Variants in FARS2 observed in about 807,000 individuals in gnomAD.
FARS2 encodes the protein phenylalanine--tRNA ligase, mitochondrial.
In FARS2, 40 loss-of-function variants were observed where a neutral mutation model predicts 46.4. That is an observed-to-expected ratio of 0.86 (90% CI 0.67 to 1.12). The LOEUF is 1.12. Among genes scored for constraint, FARS2 ranks in the 50% most tolerant of loss-of-function variants. The probability of loss-of-function intolerance (pLI) is 0.00; values close to 1 mark genes in which losing one functional copy is unlikely to be tolerated. For synonymous variants in FARS2, 234 were observed against 214.9 expected, an observed-to-expected ratio of 1.09 and a Z score of -0.78; for missense variants, 513 against 567.9, an observed-to-expected ratio of 0.90 and a Z score of 0.98.
chr6:5,491,263 A>G (rs1741449422), intron 4 of FARS2, among the ~76,000 whole-genome samples: 1 of 152,120 alleles, frequency 6.6e-6, no homozygotes, highest in South Asian at 2.1e-4. Context: ...TTGCCCATTT[A>G]AAAAATTGAG....
At chr6:5,466,367 G>A (rs1765514623) in intron 4 of FARS2, among the ~76,000 whole-genome samples, 1 of 152,056 alleles carries the variant, frequency 6.6e-6, no homozygotes, top group African/African-American at 2.4e-5. Context: ...CCATTGTCAT[G>A]CCTGTGTCAT....
intron 6 of FARS2, among the ~76,000 whole-genome samples, chr6:5,724,519 C>T (rs567943284): frequency 1.1e-4 from 16 of 152,292 alleles, no homozygotes; most frequent in African/African-American, 1.9e-4. Flanking sequence ...GCCCCCAGGA[C>T]GCAAAAAGAA....
Position 5,667,278 on chromosome 6 carries a change from G to C in FARS2, c.1217+53958G>C, listed in dbSNP as rs1169314650. Among the ~76,000 whole-genome samples, 4 of 152,122 alleles carry C rather than the reference G, an allele frequency of 2.6e-5. No individual in the cohort carries two copies. The East Asian group carries it at 7.7e-4, about 29-fold the overall frequency. ...CTCACGCCTGTAATCCCAGCCCTTT[G>C]GGGGGCCAAGGTGGGCAGATCACAA... On this transcript the variant is annotated intron_variant, in intron 6 of 6. Transcript: ENST00000274680.
chr6:5,369,474 G>A (rs896118915), intron 2 of FARS2, among the ~76,000 whole-genome samples: 1 of 152,202 alleles, frequency 6.6e-6, no homozygotes, highest in African/African-American at 2.4e-5. Flanking sequence ...TATGAATGGA[G>A]AATAGTCTGT....
At chr6:5,421,702 A>G (rs1047764782) in intron 3 of FARS2, among the ~76,000 whole-genome samples, 1 of 152,226 alleles carries the variant, frequency 6.6e-6, no homozygotes, top group Non-Finnish European at 1.5e-5. Context: ...AAATGCTGCC[A>G]GTCTCTTTGC....
chr6:5,433,500 T>C (rs773848500), intron 4 of FARS2, among the ~76,000 whole-genome samples: 98 of 152,202 alleles, frequency 6.4e-4, no homozygotes, highest in Non-Finnish European at 1.2e-3. Flanking sequence ...CCTGTAGTCA[T>C]GTCTGTGTCT....
At chr6:5,515,776 G>A (rs1479369846) in intron 4 of FARS2, among the ~76,000 whole-genome samples, 2 of 151,994 alleles carry the variant, frequency 1.3e-5, no homozygotes, top group African/African-American at 2.4e-5. Flanking sequence ...AATTTTATAG[G>A]ACTTTAATCA....
At chr6:5,423,756 A>C (rs914762464) in intron 3 of FARS2, among the ~76,000 whole-genome samples, 4 of 151,972 alleles carry the variant, frequency 2.6e-5, no homozygotes, top group Admixed American at 2.6e-4. Context: ...GCAGCGCTGG[A>C]CTCCAGGGTA....
intron 6 of FARS2, among the ~76,000 whole-genome samples, chr6:5,756,959 G>A (rs1398414401): frequency 6.6e-6 from 1 of 152,182 alleles, no homozygotes; most frequent in Non-Finnish European, 1.5e-5. Flanking sequence ...GCCTAAAAAT[G>A]TTGGGCCACA....
intron 1 of FARS2, among the ~76,000 whole-genome samples, chr6:5,283,548 CAAAA>C (rs11397113): frequency 1.8e-4 from 23 of 124,998 alleles, no homozygotes; most frequent in African/African-American, 6.5e-4. Flanking sequence ...GACTTTGTTT[CAAAA>C]AAAAAAAAAA....
chr6:5,763,700 A>G (rs1437389204), intron 6 of FARS2, among the ~76,000 whole-genome samples: 1 of 151,456 alleles, frequency 6.6e-6, no homozygotes, highest in Non-Finnish European at 1.5e-5. Flanking sequence ...GCAGTTCATT[A>G]GGAAAACCGT....
rs562603238 is a variant in FARS2 at position 5,683,031 on chromosome 6, C to T, written c.1217+69711C>T. Among the ~76,000 whole-genome samples, 13 of 152,270 alleles carry T rather than the reference C, an allele frequency of 8.5e-5. No individual in the cohort carries two copies. The South Asian group carries it at 2.3e-3, about 27-fold the overall frequency. On this transcript the variant is annotated intron_variant, in intron 6 of 6. Transcript: ENST00000274680. ...GAAGAAACGTGTTCAGAGAGGGAAG[C>T]AGGGGCTGGGACATGTAGGGCTGTG... is the stretch of plus-strand genomic sequence containing the variant.
chr6:5,378,175 T>C (rs1405805985), intron 2 of FARS2, among the ~76,000 whole-genome samples: 1 of 152,124 alleles, frequency 6.6e-6, no homozygotes, highest in Non-Finnish European at 1.5e-5. Flanking sequence ...AACATAATCA[T>C]GCTCATTCGC....
intron 6 of FARS2, among the ~76,000 whole-genome samples, chr6:5,664,358 G>A (rs1026563218): frequency 3.3e-5 from 5 of 152,134 alleles, no homozygotes; most frequent in Admixed American, 6.5e-5. Context: ...GTGTTACACC[G>A]AGGGTCCTGC....
At chr6:5,258,105 G>A (rs1222499907), upstream of FARS2, among the ~76,000 whole-genome samples, 1 of 152,184 alleles carries the variant, frequency 6.6e-6, no homozygotes, top group Non-Finnish European at 1.5e-5. Context: ...AGGCCCAACA[G>A]GACGTGGCAC....
At chr6:5,626,441 G>C (rs748211597) in intron 6 of FARS2, among the ~76,000 whole-genome samples, 1 of 152,104 alleles carries the variant, frequency 6.6e-6, no homozygotes, top group Non-Finnish European at 1.5e-5. Flanking sequence ...GGGCCCCCAG[G>C]GGACACCACC....
intron 6 of FARS2, among the ~76,000 whole-genome samples, chr6:5,726,764 C>A (rs1582839123): frequency 6.6e-6 from 1 of 152,138 alleles, no homozygotes; most frequent in African/African-American, 2.4e-5. Flanking sequence ...ACCCCTCTGC[C>A]CTCTTTAAGC....
At chr6:5,752,005 G>A (rs138476625) in intron 6 of FARS2, among the ~76,000 whole-genome samples, 2,054 of 152,216 alleles carry the variant, frequency 0.013, 63 homozygotes, top group Admixed American at 0.066. Context: ...TCATGTGCCC[G>A]GAGGTGGTTT....
chr6:5,305,328 G>A (rs1768621853), intron 1 of FARS2, among the ~76,000 whole-genome samples: 1 of 152,160 alleles, frequency 6.6e-6, no homozygotes, highest in Non-Finnish European at 1.5e-5. Context: ...TGATGTACGT[G>A]TATGGTAGTT....
Sources: gnomAD v4.1 joint callset for allele counts (sites outside exome capture counted in the v4.1 genomes callset) on GRCh38, gnomAD v4.1.1 for gene constraint, MANE v1.5 for transcripts, NCBI Gene and HGNC (gene_info 2026-07-23, HGNC 2026-07-21) for gene names.